Variants in CDH13 observed in about 807,000 individuals in gnomAD.
CDH13 encodes the protein cadherin 13, also known as cadherin-13.
A neutral mutation model predicts 63.8 loss-of-function variants in CDH13; 24 were observed. That is an observed-to-expected ratio of 0.38 (90% confidence interval 0.27 to 0.53). The LOEUF (loss-of-function observed/expected upper bound fraction) is 0.53, where lower values mean the gene tolerates loss of function less well. CDH13 is among the 20% of genes least tolerant of loss of function. CDH13 has a pLI of 0.85. For missense variants in CDH13, 1,049 were observed against 903.1 expected, an observed-to-expected ratio of 1.16 and a Z score of -2.07; for synonymous variants, 503 against 355.3, an observed-to-expected ratio of 1.42 and a Z score of -4.67.
intron 5 of CDH13, among the ~76,000 whole-genome samples, chr16:83,281,627 T>C (rs975883983): frequency 5.9e-5 from 9 of 152,058 alleles, no homozygotes; most frequent in African/African-American, 1.9e-4. Flanking sequence ...TTAATCAGTC[T>C]AGGCTGAGTG....
At chr16:83,723,244 A>C (rs182433786) in intron 10 of CDH13, among the ~76,000 whole-genome samples, 54 of 152,348 alleles carry the variant, frequency 3.5e-4, no homozygotes, top group African/African-American at 1.2e-3. Context: ...TGCTCTGTAT[A>C]CGACTTCATC....
chr16:83,019,916 C>A (rs1316302200), intron 2 of CDH13, among the ~76,000 whole-genome samples: 1 of 150,798 alleles, frequency 6.6e-6, no homozygotes. Flanking sequence ...TTATCATTAC[C>A]AAATATTACA....
At chr16:83,288,477 C>G (rs906076797) in intron 5 of CDH13, among the ~76,000 whole-genome samples, 10 of 152,162 alleles carry the variant, frequency 6.6e-5, no homozygotes, top group Non-Finnish European at 1.2e-4. Flanking sequence ...AGAGGCTGAT[C>G]AAGGTCGCAG....
chr16:82,684,215 A>G (rs1158047100), intron 1 of CDH13, among the ~76,000 whole-genome samples: 1 of 152,256 alleles, frequency 6.6e-6, no homozygotes, highest in Admixed American at 6.5e-5. Flanking sequence ...TTTGAGGCAG[A>G]TCCCTAGAGC....
intron 2 of CDH13, among the ~76,000 whole-genome samples, chr16:83,015,464 A>T (rs192950462): frequency 3.6e-4 from 54 of 151,626 alleles, no homozygotes; most frequent in Middle Eastern, 3.4e-3. Context: ...TTCCCAGCAT[A>T]TGTAAAGTAG....
In CDH13 at chr16:82,714,954, C is replaced by G. The variant is rs1294621611; in HGVS notation, c.45+87817C>G. On this transcript the variant is annotated intron_variant, in intron 1 of 13. Coordinates refer to ENST00000567109, the MANE Select transcript of CDH13 (RefSeq NM_001257.5). ...TCCAGAACTGTGAGCGATCACATTT[C>G]TCTTGTTTTACACCAGCCAGTGTGT... 2.5e-5 allele frequency among the ~76,000 whole-genome samples: 3 copies of G among 119,334 alleles called. No homozygotes were observed. In the East Asian group the frequency reaches 7.1e-4, roughly 28 times the overall value. The allele number at this position is 119,334 out of a possible 152,430, so 78.3% of individuals were successfully genotyped here. A position where few individuals can be genotyped will look rare whatever the true frequency, so the allele number is the denominator to read the frequency against.
intron 2 of CDH13, among the ~76,000 whole-genome samples, chr16:82,868,966 A>T (rs1032087973): frequency 1.3e-5 from 2 of 152,250 alleles, no homozygotes; most frequent in Admixed American, 6.5e-5. Context: ...TGGAAAATTA[A>T]TATTATAATG....
At chr16:83,154,311 C>G (rs1455029224) in intron 4 of CDH13, among the ~76,000 whole-genome samples, 1 of 152,084 alleles carries the variant, frequency 6.6e-6, no homozygotes, top group African/African-American at 2.4e-5. Flanking sequence ...AATCCCAGCA[C>G]TTTGGGAGGC....
At chr16:83,391,914 A>G (rs1481318253) in intron 6 of CDH13, among the ~76,000 whole-genome samples, 1 of 152,184 alleles carries the variant, frequency 6.6e-6, no homozygotes, top group East Asian at 1.9e-4. Flanking sequence ...AGACTCAGAT[A>G]AACAAGATTT....
intron 8 of CDH13, among the ~76,000 whole-genome samples, chr16:83,659,509 A>G (rs577034698): frequency 3.9e-4 from 59 of 152,360 alleles, no homozygotes; most frequent in Non-Finnish European, 7.5e-4. Flanking sequence ...GGTTACCTCA[A>G]GCTGTTGTTC....
chr16:83,623,986 C>T (rs1053374649), intron 8 of CDH13, among the ~76,000 whole-genome samples: 2 of 152,182 alleles, frequency 1.3e-5, no homozygotes, highest in African/African-American at 4.8e-5. Flanking sequence ...CCAGCAGAAA[C>T]GAATTTCCTG....
At chr16:83,491,880 A>G (rs997229025) in intron 7 of CDH13, among the ~76,000 whole-genome samples, 2 of 152,186 alleles carry the variant, frequency 1.3e-5, no homozygotes, top group African/African-American at 4.8e-5. Context: ...TTTAGGCCAG[A>G]TGTAAAAATG....
chr16:83,236,237 G>GCACACACACACACACACA (rs3049880), intron 5 of CDH13, among the ~76,000 whole-genome samples: 5 of 148,898 alleles, frequency 3.4e-5, no homozygotes, highest in African/African-American at 9.9e-5. Flanking sequence ...ACACGCACAT[G>GCACACACACACACACACA]CACACACACA....
chr16:83,337,410 C>G lies in CDH13; in HGVS notation c.637-7452C>G, dbSNP rs544399811. 4.1e-3 allele frequency among the ~76,000 whole-genome samples: 628 copies of G among 152,146 alleles called. 3 individuals carry two copies. Among genetic ancestry groups the G allele is most frequent in the African/African-American group, 0.014 (586 of 41,514 alleles). On this transcript the variant is annotated intron_variant, in intron 5 of 13. Transcript: ENST00000567109. Reference sequence around the variant, plus strand: ...TCAGGAGTTGAGCCCCTTTTTTCCTCCCATTCTCAGGACTCAGAAGATCAG... The same window carrying G: ...TCAGGAGTTGAGCCCCTTTTTTCCTGCCATTCTCAGGACTCAGAAGATCAG...
chr16:83,158,072 C>T (rs375800489), intron 4 of CDH13, among the ~76,000 whole-genome samples: 4 of 151,958 alleles, frequency 2.6e-5, no homozygotes, highest in African/African-American at 9.7e-5. Flanking sequence ...TGGGTCAAAC[C>T]TTTAGAAAGT....
chr16:83,517,012 C>T (rs1204428997), intron 7 of CDH13, among the ~76,000 whole-genome samples: 2 of 152,192 alleles, frequency 1.3e-5, no homozygotes, highest in African/African-American at 4.8e-5. Flanking sequence ...TAGTTAAAAA[C>T]TGAAAAAAGT....
chr16:83,663,723 A>G (rs1254857177), intron 8 of CDH13, among the ~76,000 whole-genome samples: 4 of 152,138 alleles, frequency 2.6e-5, no homozygotes, highest in Non-Finnish European at 5.9e-5. Context: ...CTTTCTGTTC[A>G]TGGTTACTGG....
chr16:83,454,338 A>G (rs2072964372), intron 6 of CDH13, among the ~76,000 whole-genome samples: 1 of 152,262 alleles, frequency 6.6e-6, no homozygotes, highest in South Asian at 2.1e-4. Context: ...TAAGCCCAAA[A>G]GAAATCAAAG....
intron 3 of CDH13, among the ~76,000 whole-genome samples, chr16:83,081,014 T>C (rs943108986): frequency 6.6e-6 from 1 of 150,688 alleles, no homozygotes; most frequent in African/African-American, 2.4e-5. Flanking sequence ...CCCGAGTAAC[T>C]GGGACTACAG....
Sources: allele counts gnomAD v4.1 joint callset (sites outside exome capture counted in the v4.1 genomes callset), GRCh38; gene constraint gnomAD v4.1.1; transcripts MANE v1.5; gene names NCBI Gene and HGNC (gene_info 2026-07-23, HGNC 2026-07-21).